NDUFAF6: variants seen among roughly 807,000 people sequenced by gnomAD.
NDUFAF6 encodes NADH:ubiquinone oxidoreductase complex assembly factor 6.
A neutral mutation model predicts 40.8 loss-of-function variants in NDUFAF6; 45 were observed. The ratio of observed to expected loss-of-function variants is 1.10; its 90% confidence interval spans 0.87 to 1.42. The LOEUF (loss-of-function observed/expected upper bound fraction) is 1.42. Ranked by LOEUF, NDUFAF6 falls within the 40% of genes most tolerant of loss-of-function variation. The pLI is 0.00. For missense variants in NDUFAF6, 435 were observed against 418.5 expected (o/e 1.04, Z -0.34); for synonymous variants, 185 against 155.9 (o/e 1.19, Z -1.39).
intron 7 of NDUFAF6, among the ~76,000 whole-genome samples, chr8:95,050,997 T>A (rs1831367576): frequency 6.6e-6 from 1 of 152,172 alleles, no homozygotes; most frequent in South Asian, 2.1e-4. Flanking sequence ...TTGGTGTGGA[T>A]CATTAGACTT....
At position 95,048,514 on chromosome 8, in the gene NDUFAF6, G is replaced by C. The variant is rs531605410; in HGVS notation, c.772G>C (p.Val258Leu). The change falls in exon 7 of 9, where the codon GTA (valine) becomes CTA (leucine). Residue 258 changes from valine to leucine, a missense_variant. By Grantham distance (32) the Val-to-Leu change is conservative. Transcript: ENST00000396124. ...GAACCAAGATAAAAATGTGAGAGAT[G>C]TAATATATGACATTGCCAGTCAAGC... Reference protein sequence around the residue: ...RRNQDKNVRDVIYDIASQAHL... With the variant: ...RRNQDKNVRDLIYDIASQAHL... 20 of 1,614,166 alleles carry C rather than the reference G, an allele frequency of 1.2e-5. No homozygotes were observed. The highest frequency in any genetic ancestry group is 1.7e-5 in the Non-Finnish European group (20 of 1,180,022).
chr8:94,906,345 C>T (rs537607583), intron 1 of NDUFAF6, among the ~76,000 whole-genome samples: 1 of 152,310 alleles, frequency 6.6e-6, no homozygotes, highest in African/African-American at 2.4e-5. Context: ...ACTGCACTGT[C>T]ACTTCAGGGC....
Position 95,025,023 on chromosome 8 carries a change from G to A in NDUFAF6, c.15G>A (p.Ala5=), listed in dbSNP as rs1827902919. The A allele has an allele frequency of 3.0e-6, 4 of 1,351,898 alleles. No individual in the cohort carries two copies. The highest frequency in any genetic ancestry group is 3.0e-5 in the East Asian group (1 of 33,142). The allele number at this position is 1,351,898 out of a possible 1,614,324, so 83.7% of individuals were successfully genotyped here. A position where few individuals can be genotyped will look rare whatever the true frequency, so the allele number is the denominator to read the frequency against. Residue 5 remains alanine, a synonymous_variant, in exon 1 of 9, where the codon GCG becomes GCA. Transcript: ENST00000396124. ...GTGCCGGCGTCATGGCGGCCTCCGC[G>A]CACGGCTCTGTCTGGGGGCCGTTGC... MAAS[A]HGSVWGPLRL... is the part of the protein sequence containing the mutation.
chr8:95,064,058 T>C (rs902357484), intron 9 of NDUFAF6, among the ~76,000 whole-genome samples: 3 of 140,174 alleles, frequency 2.1e-5, no homozygotes, highest in African/African-American at 8.3e-5. Flanking sequence ...TTTTTTTTTT[T>C]TTTTTGGATT....
At chr8:95,002,207 G>T (rs935630337) in intron 2 of NDUFAF6, among the ~76,000 whole-genome samples, 2 of 152,122 alleles carry the variant, frequency 1.3e-5, no homozygotes, top group African/African-American at 4.8e-5. Context: ...GACACTTCCT[G>T]ATAAAAATAT....
chr8:95,054,358 A>G (rs968930721), intron 8 of NDUFAF6, among the ~76,000 whole-genome samples: 5 of 151,888 alleles, frequency 3.3e-5, no homozygotes, highest in African/African-American at 1.2e-4. Context: ...GGAACTTGTT[A>G]GAAATGCAGA....
chr8:94,956,986 TGTG>T (rs1823136211), upstream of NDUFAF6, among the ~76,000 whole-genome samples: 1 of 151,938 alleles, frequency 6.6e-6, no homozygotes, highest in Non-Finnish European at 1.5e-5. Context: ...GCCTGGCCAA[TGTG>T]GTGAAACCCC....
chr8:94,921,691 A>G (rs1040085445), intron 1 of NDUFAF6, among the ~76,000 whole-genome samples: 24 of 152,252 alleles, frequency 1.6e-4, no homozygotes, highest in African/African-American at 5.8e-4. Context: ...TAAAATGCAA[A>G]GAAACCATCT....
intron 2 of NDUFAF6, among the ~76,000 whole-genome samples, chr8:95,088,604 C>T (rs897323817): frequency 2.0e-5 from 3 of 151,910 alleles, no homozygotes; most frequent in Admixed American, 6.6e-5. Context: ...GGAGATTAGA[C>T]CCTGTATTCT....
chr8:95,041,083 A>C (rs867293630), intron 3 of NDUFAF6, among the ~76,000 whole-genome samples: 23 of 152,192 alleles, frequency 1.5e-4, no homozygotes, highest in African/African-American at 5.1e-4. Flanking sequence ...GCGTATAATG[A>C]GTAAGTATAG....
At chr8:94,906,120 C>T (rs1407474173) in intron 1 of NDUFAF6, among the ~76,000 whole-genome samples, 2 of 152,162 alleles carry the variant, frequency 1.3e-5, no homozygotes, top group African/African-American at 2.4e-5. Context: ...TCCAAAGGAT[C>T]GCCCTACAGA....
Position 94,920,781 on chromosome 8 carries a change from T to G in NDUFAF6, c.-935-24702T>G, listed in dbSNP as rs182319647. On this transcript the variant is annotated intron_variant, in intron 1 of 14. Coordinates refer to the NDUFAF6 transcript ENST00000396113. ...TCACAGGCTGTGTTGCCAGCCATTC[T>G]CTATGAGCATCCCGCAGCTGCCTCT... Among the ~76,000 whole-genome samples the G allele has an allele frequency of 3.3e-4, 50 of 152,362 alleles. No homozygotes were observed. In the East Asian group the frequency reaches 5.4e-3, roughly 16 times the overall value.
upstream of NDUFAF6, among the ~76,000 whole-genome samples, chr8:95,020,153 C>T (rs1383800846): frequency 6.6e-6 from 1 of 152,098 alleles, no homozygotes; most frequent in African/African-American, 2.4e-5. Context: ...GAGCGGAGAT[C>T]GCACCATTGC....
chr8:95,083,261 C>CTT (rs4039709), intron 2 of NDUFAF6, among the ~76,000 whole-genome samples: 1 of 152,010 alleles, frequency 6.6e-6, no homozygotes, highest in Non-Finnish European at 1.5e-5. Flanking sequence ...CTCCACTAAA[C>CTT]GGGCTCTGTC....
At chr8:95,117,202 C>T (rs760123147), downstream of NDUFAF6, among the ~76,000 whole-genome samples, 3 of 152,054 alleles carry the variant, frequency 2.0e-5, no homozygotes, top group Non-Finnish European at 4.4e-5. Flanking sequence ...AATGGTTATG[C>T]AAAGGAAAAT....
At chr8:94,961,823 C>T (rs1823601244) in intron 1 of NDUFAF6, among the ~76,000 whole-genome samples, 1 of 152,164 alleles carries the variant, frequency 6.6e-6, no homozygotes, top group Admixed American at 6.5e-5. Flanking sequence ...AATTCTAGTC[C>T]AGGATTTTTT....
chr8:94,922,095 G>A (rs987751136), intron 1 of NDUFAF6, among the ~76,000 whole-genome samples: 38 of 151,808 alleles, frequency 2.5e-4, no homozygotes, highest in African/African-American at 8.7e-4. Context: ...CTCCATCTCC[G>A]CCTCCCGGGT....
At chr8:95,060,956 G>A (rs2132013497), downstream of NDUFAF6, among the ~76,000 whole-genome samples, 1 of 152,176 alleles carries the variant, frequency 6.6e-6, no homozygotes, top group South Asian at 2.1e-4. Flanking sequence ...GAGTGTGGGG[G>A]GATGCTTCAC....
chr8:94,931,609 C>CATAT (rs1554629448), intron 1 of NDUFAF6, among the ~76,000 whole-genome samples: 1 of 151,562 alleles, frequency 6.6e-6, no homozygotes, highest in African/African-American at 2.4e-5. Flanking sequence ...CACACACACA[C>CATAT]ATAAAATTTT....
Sources: allele counts gnomAD v4.1 joint callset (sites outside exome capture counted in the v4.1 genomes callset), GRCh38; gene constraint gnomAD v4.1.1; transcripts MANE v1.5; gene names NCBI Gene and HGNC (gene_info 2026-07-23, HGNC 2026-07-21).